The following CTNND2 variants were observed in gnomAD, a reference collection of about 807,000 sequenced individuals.
CTNND2 encodes catenin delta-2.
A neutral mutation model predicts 144.4 loss-of-function variants in CTNND2; 22 were observed. The observed-to-expected ratio is 0.15, with a 90% CI of 0.11 to 0.22. The LOEUF (loss-of-function observed/expected upper bound fraction) is 0.22, where lower values mean the gene tolerates loss of function less well. CTNND2 is among the 10% of genes least tolerant of loss of function. The probability of loss-of-function intolerance (pLI) is 1.00; values close to 1 mark genes in which losing one functional copy is unlikely to be tolerated. For missense variants in CTNND2, 1,353 were observed against 1,618.8 expected (o/e 0.84, Z 2.82); for synonymous variants, 751 against 695.6 (o/e 1.08, Z -1.25).
At chr5:11,381,385 G>GA in intron 7 of CTNND2, among the ~76,000 whole-genome samples, 1 of 152,268 alleles carries the variant, frequency 6.6e-6, no homozygotes, top group East Asian at 1.9e-4. Flanking sequence ...TTCTCCACAA[G>GA]ACTTACAAGG....
rs1250791108 is a variant in CTNND2 at position 11,169,631 on chromosome 5, T to C, written c.1976-9872A>G. Among the ~76,000 whole-genome samples, 3 of 152,238 alleles carry C rather than the reference T, an allele frequency of 2.0e-5. No individual in the cohort carries two copies. The East Asian group carries it at 5.8e-4, about 29-fold the overall frequency. On this transcript the variant is annotated intron_variant, in intron 11 of 21. Transcript: ENST00000304623. ...TCTGGGTCTCGAGTGAGCATGCATA[T>C]ATAACCTCTTACAAAGATAGAGACG...
chr5:11,659,645 C>T (rs1783083876), intron 2 of CTNND2, among the ~76,000 whole-genome samples: 1 of 152,094 alleles, frequency 6.6e-6, no homozygotes, highest in African/African-American at 2.4e-5. Context: ...GTGGCTGCTC[C>T]ATACCATCCA....
intron 2 of CTNND2, among the ~76,000 whole-genome samples, chr5:11,621,226 A>G (rs114866243): frequency 0.066 from 10,037 of 152,316 alleles, 460 homozygotes; most frequent in Middle Eastern, 0.11. Context: ...CTTAAAAAGT[A>G]ATTTTGTAAT....
At chr5:11,334,290 T>C (rs1472346158) in intron 9 of CTNND2, among the ~76,000 whole-genome samples, 1 of 152,218 alleles carries the variant, frequency 6.6e-6, no homozygotes, top group Non-Finnish European at 1.5e-5. Flanking sequence ...TATATATGTA[T>C]AGAAACATCA....
At chr5:11,887,673 A>C (rs368785281) in intron 1 of CTNND2, among the ~76,000 whole-genome samples, 2 of 152,216 alleles carry the variant, frequency 1.3e-5, no homozygotes, top group Admixed American at 6.5e-5. Flanking sequence ...TTCATACTTA[A>C]TTCAGATTTA....
At chr5:11,072,981 C>G (rs1447831886) in intron 16 of CTNND2, among the ~76,000 whole-genome samples, 1 of 152,222 alleles carries the variant, frequency 6.6e-6, no homozygotes, top group African/African-American at 2.4e-5. Flanking sequence ...AGCCTGGAGC[C>G]TTCCTTTTAG....
intron 2 of CTNND2, among the ~76,000 whole-genome samples, chr5:11,632,223 GTTAAGTGAGTGTGATA>G (rs1432863759): frequency 1.3e-5 from 2 of 152,164 alleles, no homozygotes; most frequent in Non-Finnish European, 2.9e-5. Context: ...GTTAGTGAAG[GTTAAGTGAGTGTGATA>G]TCAACAGACG....
intron 9 of CTNND2, among the ~76,000 whole-genome samples, chr5:11,285,869 G>A (rs1215238173): frequency 7.6e-6 from 1 of 130,830 alleles, no homozygotes; most frequent in East Asian, 2.1e-4. Flanking sequence ...ACACATATAT[G>A]TTAAATCCAA....
At chr5:11,430,420 ATT>A (rs1481448045) in intron 3 of CTNND2, among the ~76,000 whole-genome samples, 2 of 125,246 alleles carry the variant, frequency 1.6e-5, no homozygotes, top group African/African-American at 9.6e-5. Flanking sequence ...GGATGACTTG[ATT>A]AAAAAAAAAA....
intron 1 of CTNND2, among the ~76,000 whole-genome samples, chr5:11,758,870 T>C (rs1371631958): frequency 6.6e-6 from 1 of 152,052 alleles, no homozygotes; most frequent in Non-Finnish European, 1.5e-5. Context: ...GTTCTTTCTT[T>C]TCAGTACATT....
At chr5:11,864,739 C>T (rs915920232) in intron 1 of CTNND2, among the ~76,000 whole-genome samples, 1 of 152,142 alleles carries the variant, frequency 6.6e-6, no homozygotes, top group African/African-American at 2.4e-5. Flanking sequence ...TGCCATGCCT[C>T]CTCCACCAGT....
intron 1 of CTNND2, among the ~76,000 whole-genome samples, chr5:11,852,073 C>T (rs892786455): frequency 6.6e-6 from 1 of 152,100 alleles, no homozygotes; most frequent in South Asian, 2.1e-4. Flanking sequence ...TTAGTGGCAC[C>T]CAACGGCATT....
At chr5:11,246,728 G>A (rs919019457) in intron 9 of CTNND2, among the ~76,000 whole-genome samples, 3 of 150,146 alleles carry the variant, frequency 2.0e-5, no homozygotes, top group Admixed American at 6.6e-5. Context: ...GGTGGGTGGG[G>A]GGGTGGGGGG....
chr5:11,476,032 C>CTTTCTT (rs1167874201), intron 3 of CTNND2, among the ~76,000 whole-genome samples: 1 of 143,270 alleles, frequency 7.0e-6, no homozygotes, highest in African/African-American at 2.6e-5. Context: ...GCTAATTTTT[C>CTTTCTT]TATTTTTTTT....
rs1561554563 is a variant in CTNND2, at chr5:11,558,384, C to CTGTGTGTG, written c.287+6559_287+6560insCACACACA. Among the ~76,000 whole-genome samples the CTGTGTGTG allele has an allele frequency of 6.1e-3, 337 of 55,152 alleles. 1 individual carries two copies. The highest frequency in any genetic ancestry group is 0.013 in the African/African-American group (275 of 21,600). The allele number at this position is 55,152 out of a possible 152,430, so 36.2% of individuals were successfully genotyped here. A position where few individuals can be genotyped will look rare whatever the true frequency, so the allele number is the denominator to read the frequency against. On this transcript the variant is annotated intron_variant, in intron 3 of 21. Transcript: ENST00000304623. ...TGTGTGTGTGTGTGTGTGTGTGTGA[C>CTGTGTGTG]ACACAAGGTCTCACTCTGTTGCCCA... is the stretch of plus-strand genomic sequence containing the variant.
intron 9 of CTNND2, among the ~76,000 whole-genome samples, chr5:11,308,135 G>A (rs1463885329): frequency 4.6e-5 from 7 of 152,146 alleles, no homozygotes; most frequent in Middle Eastern, 6.8e-3. Context: ...CCCAGTTTGT[G>A]GCATTTTGTT....
intron 14 of CTNND2, among the ~76,000 whole-genome samples, chr5:11,108,009 C>T (rs1047882020): frequency 6.6e-6 from 1 of 152,158 alleles, no homozygotes; most frequent in East Asian, 1.9e-4. Context: ...CCAGAAAATT[C>T]GCTCTCTTTG....
intron 3 of CTNND2, among the ~76,000 whole-genome samples, chr5:11,499,456 T>C (rs928373974): frequency 6.6e-6 from 1 of 152,208 alleles, no homozygotes; most frequent in African/African-American, 2.4e-5. Context: ...TTCATAAACA[T>C]AGAGAGATTA....
intron 21 of CTNND2, among the ~76,000 whole-genome samples, 183 bp downstream of exon 21, chr5:10,981,590 C>G (rs1254952017): frequency 6.6e-6 from 1 of 151,854 alleles, no homozygotes; most frequent in African/African-American, 2.4e-5. Flanking sequence ...GAGTCCAACA[C>G]ACACACACAC....
Sources: allele counts gnomAD v4.1 joint callset (sites outside exome capture counted in the v4.1 genomes callset), GRCh38; gene constraint gnomAD v4.1.1; transcripts MANE v1.5; gene names NCBI Gene and HGNC (gene_info 2026-07-23, HGNC 2026-07-21).